TTPAL: variants seen among roughly 807,000 people sequenced by gnomAD.
TTPAL encodes alpha-tocopherol transfer protein-like.
TTPAL carries 21 observed loss-of-function variants against 28.7 expected under a neutral mutation model. The observed-to-expected ratio is 0.73, with a 90% CI of 0.52 to 1.06. The LOEUF is 1.06. Ranked by LOEUF, TTPAL falls within the 50% of genes least tolerant of loss-of-function variation. The probability of loss-of-function intolerance (pLI) is 0.00; values close to 1 mark genes in which losing one functional copy is unlikely to be tolerated. For synonymous variants in TTPAL, 169 were observed against 171.9 expected, an observed-to-expected ratio of 0.98 and a Z score of 0.13; for missense variants, 345 against 425.5, an observed-to-expected ratio of 0.81 and a Z score of 1.67.
At chr20:44,479,154 CCT>C (rs148585183) in intron 1 of TTPAL, among the ~76,000 whole-genome samples, 8,761 of 152,182 alleles carry the variant, frequency 0.058, 326 homozygotes, top group African/African-American at 0.12. Context: ...ACCAGTCTCC[CCT>C]GATAGGCAGT....
chr20:44,480,523 C>A lies in TTPAL; in HGVS notation c.445+79C>A. On this transcript the variant is annotated intron_variant, in intron 2 of 4. Transcript: ENST00000262605. The surrounding 1 kb of genome is among the most constrained non-coding windows in gnomAD (Gnocchi z 4.1). ...CCATTCAGCACCCTGTCCTCCTTTC[C>A]AAGTCCCTTTTTTACCCCTCCTTTG... 2 of 1,394,314 alleles carry A rather than the reference C, an allele frequency of 1.4e-6. No individual in the cohort carries two copies. Among genetic ancestry groups the A allele is most frequent in the Non-Finnish European group, 9.7e-7 (1 of 1,035,442 alleles). 86.4% of individuals were successfully genotyped at this position (1,394,314 alleles called of 1,614,324 possible).
intron 4 of TTPAL, among the ~76,000 whole-genome samples, chr20:44,487,312 CAT>C (rs954659131): frequency 6.6e-6 from 1 of 151,650 alleles, no homozygotes; most frequent in African/African-American, 2.4e-5. Context: ...TGTGGTGGCA[CAT>C]GTCTGTAGTC....
In TTPAL at chr20:44,492,265, C is replaced by T. The variant is rs1193610776; in HGVS notation, c.*2724C>T. The T allele has an allele frequency of 6.6e-6, 1 of 152,402 alleles. No homozygotes were observed. The highest frequency in any genetic ancestry group is 1.5e-5 in the Non-Finnish European group (1 of 68,074). The allele number at this position is 152,402 out of a possible 1,614,324, so 9.4% of individuals were successfully genotyped here. On this transcript the variant is annotated 3_prime_UTR_variant, in exon 5 of 5. Coordinates refer to ENST00000262605, the MANE Select transcript of TTPAL (RefSeq NM_001039199.3). ...GGAGCACAGTGAGCCTTACTCAGCA[C>T]TGGGGAGCGCACTGGTGAGGCAAAC...
At chr20:44,489,129 AG>A (rs2064179439) in intron 4 of TTPAL, 133 bp from the exon 5 acceptor site, 1 of 1,000,406 alleles carries the variant, frequency 1.0e-6, no homozygotes, top group Non-Finnish European at 1.4e-6. Flanking sequence ...GGGCTGAAAA[AG>A]TAAGGGTAGA....
chr20:44,489,676 T>C lies in TTPAL; in HGVS notation c.*135T>C. On this transcript the variant is annotated 3_prime_UTR_variant, in exon 5 of 5. Transcript: ENST00000262605. ...CAGGATGGAGGAACAGCCTGAGATA[T>C]GAGCATGAGCCCATTTTGGGGTAAG... The C allele has an allele frequency of 4.1e-6, 4 of 975,704 alleles. No individual in the cohort carries two copies. Among genetic ancestry groups the C allele is most frequent in the East Asian group, 5.3e-5 (2 of 38,048 alleles). 60.4% of individuals were successfully genotyped at this position (975,704 alleles called of 1,614,324 possible). A position where few individuals can be genotyped will look rare whatever the true frequency, so the allele number is the denominator to read the frequency against.
chr20:44,479,220 C>T (rs2064076032), intron 1 of TTPAL, among the ~76,000 whole-genome samples: 1 of 152,086 alleles, frequency 6.6e-6, no homozygotes, highest in Admixed American at 6.6e-5. Context: ...AGGCCATGTG[C>T]ATATTATGCA....
Position 44,491,446 on chromosome 20 carries a change from A to G in TTPAL, c.*1905A>G, listed in dbSNP as rs1295601845. ...CAAGCAGACAGCTCAGTTAGGGAGA[A>G]AACAATACTCTGAAATTTGAAGGCC... On this transcript the variant is annotated 3_prime_UTR_variant, in exon 5 of 5. Coordinates refer to ENST00000262605, the MANE Select transcript of TTPAL (RefSeq NM_001039199.3). 6.6e-6 allele frequency: 1 copy of G among 152,310 alleles called. No homozygotes were observed. Among genetic ancestry groups the G allele is most frequent in the Non-Finnish European group, 1.5e-5 (1 of 68,032 alleles). 9.4% of individuals were successfully genotyped at this position (152,310 alleles called of 1,614,324 possible). A position where few individuals can be genotyped will look rare whatever the true frequency, so the allele number is the denominator to read the frequency against.
chr20:44,482,648 A>G (rs1568769812), intron 2 of TTPAL, among the ~76,000 whole-genome samples: 1 of 152,036 alleles, frequency 6.6e-6, no homozygotes, highest in East Asian at 1.9e-4. Context: ...TTATCTTTTA[A>G]GAAAGAGGCA....
chr20:44,484,328 T>C lies in TTPAL; in HGVS notation c.446-9T>C, dbSNP rs1157199087. 6.6e-7 allele frequency: 1 copy of C among 1,519,376 alleles called. No homozygotes were observed. The highest frequency in any genetic ancestry group is 1.4e-5 in the African/African-American group (1 of 73,312). The allele number at this position is 1,519,376 out of a possible 1,614,324, so 94.1% of individuals were successfully genotyped here. On this transcript the variant is annotated splice_polypyrimidine_tract_variant and intron_variant, in intron 2 of 4. Transcript: ENST00000262605. ...TCTGTAACATACTGTCAATCTCTTATGACCTTAGACAGATGGATACCAAGC... is the reference window on the plus strand; with the variant it reads ...TCTGTAACATACTGTCAATCTCTTACGACCTTAGACAGATGGATACCAAGC...
chr20:44,484,469 G>T lies in TTPAL; in HGVS notation c.578G>T (p.Ser193Ile). 6.2e-7 allele frequency: 1 copy of T among 1,600,742 alleles called. No individual in the cohort carries two copies. Among genetic ancestry groups the T allele is most frequent in the Non-Finnish European group, 8.6e-7 (1 of 1,168,848 alleles). The change falls in exon 3 of 5, where the codon AGT becomes ATT. Residue 193 changes from serine (S) to isoleucine (I), a missense_variant. Coordinates refer to ENST00000262605, the MANE Select transcript of TTPAL (RefSeq NM_001039199.3). ...IVILADYKGV[S>I]LSKASHFGPF... The stretch of plus-strand genomic sequence containing the variant: ...ATTCTTGCAGACTACAAAGGAGTGA[G>T]TTTATCAAAAGCATCTCACTTTGGC...
At chr20:44,479,010 C>T (rs1005804378) in intron 1 of TTPAL, among the ~76,000 whole-genome samples, 2 of 152,046 alleles carry the variant, frequency 1.3e-5, no homozygotes, top group African/African-American at 2.4e-5. Flanking sequence ...AGGATGGTCT[C>T]GATCGCCTGA....
In TTPAL at chr20:44,480,758, T is replaced by C. The variant is rs2064096820; in HGVS notation, c.445+314T>C. On this transcript the variant is annotated intron_variant, in intron 2 of 4. Coordinates refer to ENST00000262605, the MANE Select transcript of TTPAL (RefSeq NM_001039199.3). The surrounding 1 kb of genome is among the most constrained non-coding windows in gnomAD (Gnocchi z 4.1). The stretch of plus-strand genomic sequence containing the variant: ...CTCCCTGTCTCTGCCTGACGGTCTG[T>C]GTATCCTTCAGCCACACATTTCTGC... Among the ~76,000 whole-genome samples the C allele has an allele frequency of 1.3e-5, 2 of 152,198 alleles. No homozygotes were observed. Among genetic ancestry groups the C allele is most frequent in the South Asian group, 2.1e-4 (1 of 4,838 alleles).
Position 44,489,322 on chromosome 20 carries a change from C to A in TTPAL, c.810C>A (p.Leu270=). The change falls in exon 5 of 5, where the codon CTC becomes CTA. Residue 270 remains leucine, a synonymous_variant. Coordinates refer to ENST00000262605, the MANE Select transcript of TTPAL (RefSeq NM_001039199.3). ...ACACAAACCTTCCAAGAAGCATCCTCCCCAAGGAGTATGGGGGCACGGCTG... is the reference window on the plus strand; with the variant it reads ...ACACAAACCTTCCAAGAAGCATCCTACCCAAGGAGTATGGGGGCACGGCTG... ...SLHTNLPRSI[L]PKEYGGTAGE... is the part of the protein sequence containing the mutation. The A allele has an allele frequency of 1.9e-6, 3 of 1,614,226 alleles. No homozygotes were observed. Among genetic ancestry groups the A allele is most frequent in the Non-Finnish European group, 2.5e-6 (3 of 1,180,046 alleles).
chr20:44,481,271 G>A (rs1172278678), intron 2 of TTPAL, among the ~76,000 whole-genome samples: 15 of 152,292 alleles, frequency 9.8e-5, no homozygotes, highest in South Asian at 2.1e-4. Context: ...CCTGCCAGGC[G>A]CAGCAGCTCA....
chr20:44,479,918 A>G, intron 1 of TTPAL, 67 bp from the exon 2 acceptor site: 1 of 1,360,392 alleles, frequency 7.4e-7, no homozygotes, highest in Non-Finnish European at 1.0e-6. Flanking sequence ...CCTGTCCCCT[A>G]CACTGTACTG....
rs1038074769 is a variant in TTPAL, at chr20:44,480,938, G to T, written c.445+494G>T. On this transcript the variant is annotated intron_variant, in intron 2 of 4. Coordinates refer to ENST00000262605, the MANE Select transcript of TTPAL (RefSeq NM_001039199.3). This position sits in a 1 kb window ranked among gnomAD's most constrained non-coding sequence, Gnocchi z 4.1. Reference sequence around the variant, plus strand: ...CAATTTCTAGTGGGGAGCATCTGGTGGGGCCTAAGAATCTGCCCCTGGCCA... The same window carrying T: ...CAATTTCTAGTGGGGAGCATCTGGTTGGGCCTAAGAATCTGCCCCTGGCCA... Among the ~76,000 whole-genome samples the T allele has an allele frequency of 6.6e-6, 1 of 152,174 alleles. No individual in the cohort carries two copies. Among genetic ancestry groups the T allele is most frequent in the African/African-American group, 2.4e-5 (1 of 41,442 alleles).
chr20:44,480,462 T>G lies in TTPAL; in HGVS notation c.445+18T>G. On this transcript the variant is annotated intron_variant, in intron 2 of 4. Transcript: ENST00000262605. The surrounding 1 kb of genome is among the most constrained non-coding windows in gnomAD (Gnocchi z 4.1). ...CCGCCCAGGTATCTCCCTAGACTGT[T>G]GTGGGGTGTGTGTGTCCAGTCCTTC... The G allele has an allele frequency of 6.4e-7, 1 of 1,564,718 alleles. No individual in the cohort carries two copies. The highest frequency in any genetic ancestry group is 8.7e-7 in the Non-Finnish European group (1 of 1,154,416).
In TTPAL at chr20:44,480,790, C is replaced by CA. The variant is rs1308484738; in HGVS notation, c.445+347dup. ...TTCAGCCACACATTTCTGCCTTTTG[C>CA]ATATCTTCTTCACACTTTTTCTGTG... On this transcript the variant is annotated intron_variant, in intron 2 of 4. Coordinates refer to ENST00000262605, the MANE Select transcript of TTPAL (RefSeq NM_001039199.3). The surrounding 1 kb of genome is among the most constrained non-coding windows in gnomAD (Gnocchi z 4.1). 6.6e-6 allele frequency among the ~76,000 whole-genome samples: 1 copy of CA among 152,214 alleles called. No homozygotes were observed. Among genetic ancestry groups the CA allele is most frequent in the Non-Finnish European group, 1.5e-5 (1 of 68,040 alleles).
In TTPAL at chr20:44,480,129, C is replaced by T. The variant is rs755848772; in HGVS notation, c.130C>T (p.Arg44Trp). ...SLTEDLVTKAREELQEKPEWR... is the reference protein window; with the variant it reads ...SLTEDLVTKAWEELQEKPEWR... Reference sequence around the variant, plus strand: ...GACAGAAGACCTGGTCACCAAAGCCCGGGAAGAGCTGCAGGAAAAGCCGGA... The same window carrying T: ...GACAGAAGACCTGGTCACCAAAGCCTGGGAAGAGCTGCAGGAAAAGCCGGA... Residue 44 changes from arginine to tryptophan, a missense_variant, in exon 2 of 5, where the codon CGG becomes TGG. Physicochemically the swap from Arg to Trp is moderately radical, Grantham distance 101. Coordinates refer to ENST00000262605, the MANE Select transcript of TTPAL (RefSeq NM_001039199.3). This position sits in a 1 kb window ranked among gnomAD's most constrained non-coding sequence, Gnocchi z 4.1. 1.9e-6 allele frequency: 3 copies of T among 1,614,132 alleles called. No individual in the cohort carries two copies. Among genetic ancestry groups the T allele is most frequent in the South Asian group, 1.1e-5 (1 of 91,080 alleles).
Sources: allele counts gnomAD v4.1 joint callset (sites outside exome capture counted in the v4.1 genomes callset), GRCh38; gene constraint gnomAD v4.1.1; non-coding constraint Gnocchi (gnomAD v3.1); transcripts MANE v1.5; gene names NCBI Gene and HGNC (gene_info 2026-07-23, HGNC 2026-07-21).